The following GPHN variants were observed in gnomAD, a reference collection of about 807,000 sequenced individuals.
GPHN encodes gephyrin.
Under a neutral mutation model 95.5 loss-of-function variants are expected in GPHN, and 17 were observed. The ratio of observed to expected loss-of-function variants is 0.18; its 90% CI spans 0.12 to 0.27. GPHN has a LOEUF of 0.27. GPHN is among the 10% of genes least tolerant of loss of function. The pLI is 1.00. For missense variants in GPHN, 660 were observed against 978.1 expected (o/e 0.67, Z 4.34); for synonymous variants, 320 against 322.5 (o/e 0.99, Z 0.08).
At chr14:67,232,572 C>A in the GPHN span, among the ~76,000 whole-genome samples, 1 of 152,254 alleles carries the variant, frequency 6.6e-6, no homozygotes, top group East Asian at 1.9e-4. Flanking sequence ...ATCTCTACTT[C>A]TACTATTAAA....
the GPHN span, among the ~76,000 whole-genome samples, chr14:67,695,189 A>G: frequency 6.6e-6 from 1 of 152,188 alleles, no homozygotes; most frequent in Admixed American, 6.5e-5. Context: ...GGGGCCGCAG[A>G]TGTTACGATT....
chr14:67,485,854 G>A, the GPHN span, among the ~76,000 whole-genome samples: 1 of 152,218 alleles, frequency 6.6e-6, no homozygotes, highest in Non-Finnish European at 1.5e-5. Flanking sequence ...GCTGATATGT[G>A]ACAAAAGCAA....
At chr14:67,087,108 A>C (rs373969920) in intron 11 of GPHN, among the ~76,000 whole-genome samples, 1 of 151,512 alleles carries the variant, frequency 6.6e-6, no homozygotes, top group Non-Finnish European at 1.5e-5. Flanking sequence ...CTAGATTTTC[A>C]TGGGATTAAG....
chr14:66,745,867 T>A lies in GPHN; in HGVS notation c.144-30597T>A, dbSNP rs184413899. On this transcript the variant is annotated intron_variant, in intron 2 of 22. Coordinates refer to ENST00000478722, the MANE Select transcript of GPHN (RefSeq NM_020806.5). ...GTGATCTTTCTTAATAGTCACATCA[T>A]CACTCTACCCTGCCTATCACAGATC... Among the ~76,000 whole-genome samples, 25 of 152,146 alleles carry A rather than the reference T, an allele frequency of 1.6e-4. No homozygotes were observed. The East Asian group carries it at 4.4e-3, about 27-fold the overall frequency.
chr14:67,148,695 G>A (rs995825647), intron 18 of GPHN, among the ~76,000 whole-genome samples: 1 of 151,226 alleles, frequency 6.6e-6, no homozygotes, highest in African/African-American at 2.4e-5. Flanking sequence ...CGAGTAGCTG[G>A]GACTACAGGT....
chr14:67,357,732 A>G, the GPHN span, among the ~76,000 whole-genome samples: 1 of 152,230 alleles, frequency 6.6e-6, no homozygotes, highest in African/African-American at 2.4e-5. Flanking sequence ...TGGCCATTTT[A>G]AAAAAGAGAG....
At chr14:67,315,882 G>A in the GPHN span, among the ~76,000 whole-genome samples, 647 of 152,332 alleles carry the variant, frequency 4.2e-3, 7 homozygotes, top group Admixed American at 0.013. Context: ...CCAAGATTGC[G>A]CCACTGCACT....
intron 1 of GPHN, among the ~76,000 whole-genome samples, chr14:66,641,888 ATC>A (rs1387394129): frequency 1.3e-5 from 2 of 152,194 alleles, no homozygotes; most frequent in East Asian, 1.9e-4. Context: ...AAAAATGACT[ATC>A]TCTTCTGAAA....
the GPHN span, among the ~76,000 whole-genome samples, chr14:67,203,991 C>T: frequency 6.6e-6 from 1 of 152,134 alleles, no homozygotes; most frequent in Non-Finnish European, 1.5e-5. Flanking sequence ...GGATTACAGG[C>T]GTGAGCCACT....
At chr14:66,591,328 A>T (rs1328888709) in intron 1 of GPHN, among the ~76,000 whole-genome samples, 1 of 152,218 alleles carries the variant, frequency 6.6e-6, no homozygotes, top group Non-Finnish European at 1.5e-5. Context: ...AGAGAAAGAA[A>T]TAAAGGGTAT....
intron 1 of GPHN, among the ~76,000 whole-genome samples, chr14:66,646,878 T>A (rs1450474436): frequency 6.6e-6 from 1 of 152,040 alleles, no homozygotes; most frequent in Non-Finnish European, 1.5e-5. Flanking sequence ...TGTGTGTCTT[T>A]TACCACAATT....
the GPHN span, among the ~76,000 whole-genome samples, chr14:67,547,895 G>A: frequency 6.6e-6 from 1 of 152,202 alleles, no homozygotes; most frequent in African/African-American, 2.4e-5. Context: ...CCGGATGAAG[G>A]GAGAGGAGAG....
chr14:67,560,522 T>C, the GPHN span, among the ~76,000 whole-genome samples: 2 of 152,322 alleles, frequency 1.3e-5, no homozygotes, highest in African/African-American at 4.8e-5. Flanking sequence ...AACACTAACT[T>C]CCCATTCTCT....
chr14:66,942,355 T>C (rs2153573535), intron 8 of GPHN, among the ~76,000 whole-genome samples: 1 of 152,334 alleles, frequency 6.6e-6, no homozygotes, highest in African/African-American at 2.4e-5. Context: ...ATGAACATTT[T>C]ATTTCTTTAT....
At chr14:67,725,232 C>T in the GPHN span, 1 of 1,613,588 alleles carries the variant, frequency 6.2e-7, no homozygotes, top group Non-Finnish European at 8.5e-7. Context: ...CTATCCGAGC[C>T]TTTGCTGAGG....
chr14:66,713,488 C>T (rs775815940), intron 2 of GPHN, among the ~76,000 whole-genome samples: 8 of 152,014 alleles, frequency 5.3e-5, no homozygotes, highest in African/African-American at 1.9e-4. Flanking sequence ...TGCATTGGCC[C>T]GTGTGCCTAT....
chr14:66,662,100 A>G (rs1336704434), intron 1 of GPHN, among the ~76,000 whole-genome samples: 2 of 152,180 alleles, frequency 1.3e-5, no homozygotes, highest in African/African-American at 4.8e-5. Context: ...CAGACTTTGG[A>G]GAGCCCAAGC....
At chr14:67,535,996 C>A in the GPHN span, among the ~76,000 whole-genome samples, 1 of 152,198 alleles carries the variant, frequency 6.6e-6, no homozygotes. Flanking sequence ...CTTAAGGCCA[C>A]AGGATTATTT....
chr14:66,992,759 T>G (rs1325315314), intron 9 of GPHN, among the ~76,000 whole-genome samples: 1 of 152,146 alleles, frequency 6.6e-6, no homozygotes, highest in Non-Finnish European at 1.5e-5. Context: ...AGAATGAGTT[T>G]TGCATTTATA....
Sources: allele counts gnomAD v4.1 joint callset (sites outside exome capture counted in the v4.1 genomes callset), GRCh38; gene constraint gnomAD v4.1.1; transcripts MANE v1.5; gene names NCBI Gene and HGNC (gene_info 2026-07-23, HGNC 2026-07-21).